ZNF18: variants seen among roughly 807,000 people sequenced by gnomAD.
The protein encoded by ZNF18 is zinc finger protein 18.
A neutral mutation model predicts 58.1 loss-of-function variants in ZNF18; 42 were observed. The ratio of observed to expected loss-of-function variants is 0.72; its 90% CI spans 0.56 to 0.93. ZNF18 has a LOEUF of 0.93. Among genes scored for constraint, ZNF18 ranks in the 40% least tolerant of loss-of-function variants. The pLI is 0.00. For synonymous variants in ZNF18, 231 were observed against 239.8 expected (o/e 0.96, Z 0.34); for missense variants, 540 against 644.2 (o/e 0.84, Z 1.75).
At chr17:12,003,457 A>T in the ZNF18 span, among the ~76,000 whole-genome samples, 1 of 151,102 alleles carries the variant, frequency 6.6e-6, no homozygotes, top group Non-Finnish European at 1.5e-5. Flanking sequence ...AAAAAAAAAA[A>T]GATGTTCAAG....
intron 4 of ZNF18, 98 bp from the exon 5 acceptor site, chr17:11,984,295 C>T (rs749594292): frequency 6.2e-5 from 75 of 1,212,698 alleles, no homozygotes; most frequent in Non-Finnish European, 7.8e-5. Context: ...AAGACAGAAA[C>T]GTGCCATAGG....
At chr17:11,989,903 G>A (rs557089729) in intron 4 of ZNF18, among the ~76,000 whole-genome samples, 21 of 152,188 alleles carry the variant, frequency 1.4e-4, no homozygotes, top group African/African-American at 5.1e-4. Flanking sequence ...TACAGAAATT[G>A]TCCAAAATAA....
At chr17:11,982,212 A>C (rs1028511029) in intron 6 of ZNF18, among the ~76,000 whole-genome samples, 1 of 152,218 alleles carries the variant, frequency 6.6e-6, no homozygotes, top group Non-Finnish European at 1.5e-5. Flanking sequence ...TAAGCAACTT[A>C]GTCTATGGTA....
intron 1 of ZNF18, among the ~76,000 whole-genome samples, chr17:11,996,328 G>A (rs946562217): frequency 6.6e-6 from 1 of 152,092 alleles, no homozygotes; most frequent in Non-Finnish European, 1.5e-5. Context: ...AATAACAAGC[G>A]GCAAGATTTT....
chr17:12,015,997 G>C, the ZNF18 span, among the ~76,000 whole-genome samples: 1 of 152,132 alleles, frequency 6.6e-6, no homozygotes, highest in Non-Finnish European at 1.5e-5. Context: ...CGCCATGTTG[G>C]CCAGGCTGGT....
chr17:11,994,375 G>A (rs1242854120), intron 1 of ZNF18, among the ~76,000 whole-genome samples: 3 of 152,106 alleles, frequency 2.0e-5, no homozygotes, highest in East Asian at 3.8e-4. Context: ...ATTGAATAAT[G>A]CAGGAGATAG....
chr17:12,011,725 G>A, the ZNF18 span, among the ~76,000 whole-genome samples: 1 of 131,540 alleles, frequency 7.6e-6, no homozygotes. Flanking sequence ...TTTTGAGACG[G>A]AGTCTAGTTC....
chr17:12,014,964 C>T, the ZNF18 span, among the ~76,000 whole-genome samples: 9 of 152,056 alleles, frequency 5.9e-5, no homozygotes, highest in East Asian at 1.2e-3. Flanking sequence ...AGGAGAACGG[C>T]GTGAACCCGG....
intron 6 of ZNF18, among the ~76,000 whole-genome samples, chr17:11,980,639 G>C (rs919670945): frequency 1.3e-5 from 2 of 151,912 alleles, no homozygotes; most frequent in Non-Finnish European, 2.9e-5. Flanking sequence ...GGCTGGTCTC[G>C]AACTCCTGAC....
Position 11,978,352 on chromosome 17 carries a change from T to G in ZNF18, c.1255A>C (p.Arg419=), listed in dbSNP as rs369801453. 1.3e-6 allele frequency: 2 copies of G among 1,576,370 alleles called. No homozygotes were observed. The highest frequency in any genetic ancestry group is 1.4e-5 in the African/African-American group (1 of 73,220). Reference sequence around the variant, plus strand: ...TGGTGAAAAATAAGCTGAGAATTCCTATAAAAGGTCTTCCCACACTCCCTG... The same window carrying G: ...TGGTGAAAAATAAGCTGAGAATTCCGATAAAAGGTCTTCCCACACTCCCTG... ...TCRECGKTFY[R]NSQLIFHQRT... Residue 419 remains arginine (R), a synonymous_variant, in exon 7 of 7, where the codon AGG becomes CGG. Coordinates refer to ENST00000580306, the MANE Select transcript of ZNF18 (RefSeq NM_001303281.2).
At chr17:12,009,876 A>C in the ZNF18 span, among the ~76,000 whole-genome samples, 1 of 152,216 alleles carries the variant, frequency 6.6e-6, no homozygotes, top group Non-Finnish European at 1.5e-5. Flanking sequence ...CTATTAACAT[A>C]TATTCCTAGA....
the ZNF18 span, among the ~76,000 whole-genome samples, chr17:12,019,083 T>C: frequency 6.6e-6 from 1 of 152,030 alleles, no homozygotes; most frequent in Non-Finnish European, 1.5e-5. Flanking sequence ...GCCTCCCTAG[T>C]AGCTGGGATT....
intron 1 of ZNF18, chr17:11,996,834 C>G (rs924285116): frequency 6.6e-6 from 1 of 152,178 alleles, no homozygotes; most frequent in African/African-American, 2.4e-5. Context: ...CAGGAACCTC[C>G]GAGGCTCACA....
intron 1 of ZNF18, 23 bp from the exon 2 acceptor site, chr17:11,992,934 T>A: frequency 7.7e-7 from 1 of 1,304,900 alleles, no homozygotes; most frequent in Non-Finnish European, 1.0e-6. Context: ...TGAGATTGAG[T>A]GCTACACAGA....
chr17:11,978,079 G>A lies in ZNF18; in HGVS notation c.1528C>T (p.His510Tyr). 1 of 1,614,148 alleles carries A rather than the reference G, an allele frequency of 6.2e-7. No homozygotes were observed. The highest frequency in any genetic ancestry group is 8.5e-7 in the Non-Finnish European group (1 of 1,180,038). The change falls in exon 7 of 7, where the codon CAT (histidine) becomes TAT (tyrosine). Residue 510 changes from histidine (H) to tyrosine (Y), a missense_variant. Coordinates refer to ENST00000580306, the MANE Select transcript of ZNF18 (RefSeq NM_001303281.2). ...TTCTCTCCAGTGTGAACCCTCTGAT[G>A]TCTATTAAAGTTTGATCTCTGAATG... Reference protein sequence around the residue: ...SFIQRSNFNRHQRVHTGEKPY... With the variant: ...SFIQRSNFNRYQRVHTGEKPY...
intron 6 of ZNF18, among the ~76,000 whole-genome samples, chr17:11,979,780 A>AAAAAT (rs146771140): frequency 6.6e-5 from 10 of 152,134 alleles, no homozygotes; most frequent in South Asian, 4.1e-4. Context: ...CCCTGAATCT[A>AAAAAT]AAAATAAAAT....
the ZNF18 span, among the ~76,000 whole-genome samples, chr17:12,015,212 A>G: frequency 1.3e-5 from 2 of 152,184 alleles, no homozygotes; most frequent in Non-Finnish European, 2.9e-5. Flanking sequence ...CAAACCCACA[A>G]TGCCCTCCCC....
chr17:11,999,000 T>G (rs1177927501), upstream of ZNF18, among the ~76,000 whole-genome samples: 6 of 152,136 alleles, frequency 3.9e-5, no homozygotes, highest in African/African-American at 1.4e-4. Flanking sequence ...TTCATGTGAT[T>G]GATGGCGCTG....
chr17:12,007,648 G>A, the ZNF18 span, among the ~76,000 whole-genome samples: 12 of 152,176 alleles, frequency 7.9e-5, no homozygotes, highest in Non-Finnish European at 1.0e-4. Flanking sequence ...GCACTGAGCA[G>A]TGGGAAGCCC....
Sources: gnomAD v4.1 joint callset for allele counts (sites outside exome capture counted in the v4.1 genomes callset) on GRCh38, gnomAD v4.1.1 for gene constraint, MANE v1.5 for transcripts, NCBI Gene and HGNC (gene_info 2026-07-23, HGNC 2026-07-21) for gene names.